OR4K1: variants seen among roughly 807,000 people sequenced by gnomAD.
OR4K1 encodes olfactory receptor 4K1.
OR4K1 carries 16 observed loss-of-function variants against 14.4 expected under a neutral mutation model. The observed-to-expected ratio is 1.11, with a 90% confidence interval of 0.75 to 1.68. OR4K1 has a LOEUF of 1.68. Ranked by LOEUF, OR4K1 falls within the 40% of genes most tolerant of loss-of-function variation. The pLI is 0.00. For synonymous variants in OR4K1, 181 were observed against 133.1 expected (o/e 1.36, Z -2.48); for missense variants, 548 against 376.9 (o/e 1.45, Z -3.76).
At chr14:19,923,927 C>G in the OR4K1 span, among the ~76,000 whole-genome samples, 1 of 152,158 alleles carries the variant, frequency 6.6e-6, no homozygotes, top group Non-Finnish European at 1.5e-5. Flanking sequence ...GGTTCTGTCT[C>G]CTGACTAGAC....
chr14:19,922,589 AT>A, the OR4K1 span, among the ~76,000 whole-genome samples: 50,289 of 144,088 alleles, frequency 0.35, 5,166 homozygotes, highest in South Asian at 0.41. Context: ...GGCCTATGGT[AT>A]TTTTTTTTTT....
At chr14:19,934,769 C>G (rs556172252) in intron 1 of OR4K1, among the ~76,000 whole-genome samples, 1 of 152,194 alleles carries the variant, frequency 6.6e-6, no homozygotes, top group African/African-American at 2.4e-5. Flanking sequence ...CTCCCAGGTT[C>G]AAGCAATTCT....
chr14:19,936,051 C>A lies in OR4K1; in HGVS notation c.385C>A (p.Pro129Thr), dbSNP rs1452023512. The change falls in exon 2 of 2, where the codon CCT becomes ACT. Residue 129 changes from proline (P) to threonine (T), a missense_variant. Physicochemically the swap from Pro to Thr is conservative, Grantham distance 38. Coordinates refer to ENST00000641172, the MANE Select transcript of OR4K1 (RefSeq NM_001004063.3). ...AYDRFIAICKPLHYSTIMNRR... is the reference protein window; with the variant it reads ...AYDRFIAICKTLHYSTIMNRR... ...TGACAGATTTATAGCCATATGTAAG[C>A]CTCTGCACTACAGTACAATTATGAA... 6.2e-6 allele frequency: 10 copies of A among 1,614,134 alleles called. No individual in the cohort carries two copies. The highest frequency in any genetic ancestry group is 8.5e-6 in the Non-Finnish European group (10 of 1,180,056).
chr14:19,924,139 G>A, the OR4K1 span, among the ~76,000 whole-genome samples: 5 of 152,208 alleles, frequency 3.3e-5, no homozygotes, highest in East Asian at 1.9e-4. Flanking sequence ...GGTGGCTCAC[G>A]CCTGTAATCC....
chr14:19,928,285 A>G (rs1294230708), upstream of OR4K1, among the ~76,000 whole-genome samples: 1 of 152,108 alleles, frequency 6.6e-6, no homozygotes, highest in Non-Finnish European at 1.5e-5. Context: ...TTGCTTATTT[A>G]TTTATTTTAT....
chr14:19,925,660 T>C, the OR4K1 span, among the ~76,000 whole-genome samples: 1 of 152,282 alleles, frequency 6.6e-6, no homozygotes, highest in Admixed American at 6.5e-5. Context: ...TGAGCAGTCC[T>C]TCTGACAAGG....
At chr14:19,932,188 A>T (rs576828655) in intron 1 of OR4K1, among the ~76,000 whole-genome samples, 1 of 152,366 alleles carries the variant, frequency 6.6e-6, no homozygotes, top group African/African-American at 2.4e-5. Flanking sequence ...ATTTGTGGGA[A>T]ATTTGGATAT....
chr14:19,935,852 G>A lies in OR4K1; in HGVS notation c.186G>A (p.Leu62=). The A allele has an allele frequency of 6.2e-7, 1 of 1,614,150 alleles. No homozygotes were observed. Among genetic ancestry groups the A allele is most frequent in the East Asian group, 2.2e-5 (1 of 44,888 alleles). ...ATTTGAACTCTCCTATGTACTTCTTGCTCAGTAATCTTTCTTTCATTGATA... is the reference window on the plus strand; with the variant it reads ...ATTTGAACTCTCCTATGTACTTCTTACTCAGTAATCTTTCTTTCATTGATA... ...DSHLNSPMYF[L]LSNLSFIDIC... is the part of the protein sequence containing the mutation. Residue 62 remains leucine, a synonymous_variant, in exon 2 of 2, where the codon TTG becomes TTA. Transcript: ENST00000641172.
At chr14:19,923,911 C>T in the OR4K1 span, among the ~76,000 whole-genome samples, 3 of 152,194 alleles carry the variant, frequency 2.0e-5, no homozygotes, top group Non-Finnish European at 4.4e-5. Context: ...TCAAATTACT[C>T]ATGTGGGTTC....
chr14:19,921,361 G>A, the OR4K1 span: 12 of 1,613,990 alleles, frequency 7.4e-6, no homozygotes, highest in African/African-American at 2.7e-5. Flanking sequence ...TTATTCTTTG[G>A]ACCTTGCATC....
In OR4K1 at chr14:19,936,347, C is replaced by G; in HGVS notation, c.681C>G (p.Cys227Trp). 1 of 1,614,244 alleles carries G rather than the reference C, an allele frequency of 6.2e-7. No individual in the cohort carries two copies. Among genetic ancestry groups the G allele is most frequent in the South Asian group, 1.1e-5 (1 of 91,092 alleles). ...CCATCATTTTGATCGGTGTCCGATG[C>G]AGGTCCTCCAGTGGGTCATCTAAGG... ...SYTIILIGVR[C>W]RSSSGSSKAL... Residue 227 changes from cysteine (C) to tryptophan (W), a missense_variant, in exon 2 of 2, where the codon TGC (cysteine) becomes TGG (tryptophan). Coordinates refer to ENST00000641172, the MANE Select transcript of OR4K1 (RefSeq NM_001004063.3).
the OR4K1 span, among the ~76,000 whole-genome samples, chr14:19,922,862 T>C: frequency 6.6e-6 from 1 of 152,212 alleles, no homozygotes; most frequent in South Asian, 2.1e-4. Context: ...AAGAGTGTTG[T>C]AAAATTTATC....
chr14:19,929,465 T>C (rs1490081867), upstream of OR4K1, among the ~76,000 whole-genome samples: 4 of 151,450 alleles, frequency 2.6e-5, no homozygotes, highest in East Asian at 3.9e-4. Flanking sequence ...TATTTCACCT[T>C]GGAGCTTTTC....
At chr14:19,934,450 ACAGT>A (rs1882257013) in intron 1 of OR4K1, among the ~76,000 whole-genome samples, 1 of 152,280 alleles carries the variant, frequency 6.6e-6, no homozygotes, top group South Asian at 2.1e-4. Context: ...AAGATAAAAC[ACAGT>A]CAGAAGAAAG....
rs1246341189 is a variant in OR4K1 at position 19,936,238 on chromosome 14, A to C, written c.572A>C (p.Asp191Ala). Residue 191 changes from aspartate (D) to alanine (A), a missense_variant, in exon 2 of 2, where the codon GAT (aspartate) becomes GCT (alanine). Asp to Ala is a moderately radical substitution (Grantham distance 126). Transcript: ENST00000641172. ...TTGGTGATAGAGCTGGCTTGCATGG[A>C]TACATATGAAATGGAAATTATGACC... is the stretch of plus-strand genomic sequence containing the variant. ...LPLVIELACM[D>A]TYEMEIMTLT... 9 of 1,614,206 alleles carry C rather than the reference A, an allele frequency of 5.6e-6. No individual in the cohort carries two copies. The highest frequency in any genetic ancestry group is 1.7e-5 in the Admixed American group (1 of 60,026).
At chr14:19,925,006 G>T in the OR4K1 span, among the ~76,000 whole-genome samples, 2 of 152,046 alleles carry the variant, frequency 1.3e-5, no homozygotes, top group African/African-American at 4.8e-5. Context: ...AATATAACTT[G>T]GTAATCAACT....
chr14:19,925,787 C>T, the OR4K1 span, among the ~76,000 whole-genome samples: 9,721 of 151,520 alleles, frequency 0.064, 552 homozygotes, highest in East Asian at 0.48. Flanking sequence ...AAAAGGCCAA[C>T]GGGATAAAGG....
intron 1 of OR4K1, among the ~76,000 whole-genome samples, chr14:19,931,666 T>G (rs1214936309): frequency 6.6e-6 from 1 of 152,242 alleles, no homozygotes; most frequent in African/African-American, 2.4e-5. Context: ...ACACATTGTA[T>G]AGTAGATATT....
At chr14:19,923,203 T>C in the OR4K1 span, among the ~76,000 whole-genome samples, 7 of 152,248 alleles carry the variant, frequency 4.6e-5, no homozygotes, top group Non-Finnish European at 1.0e-4. Flanking sequence ...CTACCTCTCT[T>C]ACATTTTCAG....
Sources: gnomAD v4.1 joint callset for allele counts (sites outside exome capture counted in the v4.1 genomes callset) on GRCh38, gnomAD v4.1.1 for gene constraint, MANE v1.5 for transcripts, NCBI Gene and HGNC (gene_info 2026-07-23, HGNC 2026-07-21) for gene names.